HPCAL1: variants seen among roughly 807,000 people sequenced by gnomAD.
HPCAL1 encodes the protein hippocalcin-like protein 1.
A neutral mutation model predicts 17.1 loss-of-function variants in HPCAL1; 8 were observed. The observed-to-expected ratio is 0.47, with a 90% confidence interval of 0.27 to 0.84. The LOEUF is 0.84. HPCAL1 is among the 40% of genes least tolerant of loss of function. The pLI is 0.13. For missense variants in HPCAL1, 165 were observed against 271.1 expected (o/e 0.61, Z 2.75); for synonymous variants, 112 against 111.4 (o/e 1.01, Z -0.03).
At chr2:10,426,316 G>A (rs756070863) in intron 4 of HPCAL1, 9 of 196,262 alleles carry the variant, frequency 4.6e-5, no homozygotes, top group Admixed American at 1.1e-4. Context: ...GGGAGGATCC[G>A]GACCGTGCTT....
At chr2:10,423,369 G>T in intron 4 of HPCAL1, 1 of 398,072 alleles carries the variant, frequency 2.5e-6, no homozygotes, top group Non-Finnish European at 4.7e-6. Flanking sequence ...CCATATTCCC[G>T]TGGGTACAAT....
intron 1 of HPCAL1, among the ~76,000 whole-genome samples, chr2:10,307,105 C>T (rs1179721332): frequency 6.6e-6 from 1 of 151,842 alleles, no homozygotes; most frequent in Admixed American, 6.6e-5. Flanking sequence ...GGTGTCTTAG[C>T]CCCACCTGTG....
intron 1 of HPCAL1, among the ~76,000 whole-genome samples, chr2:10,378,827 A>C (rs1200321143): frequency 6.6e-6 from 1 of 152,158 alleles, no homozygotes; most frequent in African/African-American, 2.4e-5. Context: ...CACGGTAGAA[A>C]ATGTGGAAAA....
At chr2:10,397,129 GC>G (rs1371544537) in intron 2 of HPCAL1, among the ~76,000 whole-genome samples, 2 of 152,158 alleles carry the variant, frequency 1.3e-5, no homozygotes, top group Non-Finnish European at 2.9e-5. Context: ...CAGAGAAACA[GC>G]CCCCCAGGCC....
At chr2:10,418,664 C>T (rs145795206) in intron 2 of HPCAL1, among the ~76,000 whole-genome samples, 653 of 152,182 alleles carry the variant, frequency 4.3e-3, no homozygotes, top group Non-Finnish European at 6.9e-3. Context: ...AAAATTATCA[C>T]GCCCTGTATA....
chr2:10,305,885 C>T (rs1205337875), intron 1 of HPCAL1, among the ~76,000 whole-genome samples: 1 of 152,220 alleles, frequency 6.6e-6, no homozygotes, highest in African/African-American at 2.4e-5. Flanking sequence ...CACCATTTCA[C>T]CCTGGAGCTG....
At chr2:10,324,979 C>T (rs1232875502) in intron 1 of HPCAL1, among the ~76,000 whole-genome samples, 26 of 150,172 alleles carry the variant, frequency 1.7e-4, no homozygotes, top group African/African-American at 5.9e-4. Flanking sequence ...TGCACCACCA[C>T]GCCCAGCAAT....
intron 2 of HPCAL1, among the ~76,000 whole-genome samples, chr2:10,414,625 G>C (rs1048909788): frequency 6.6e-6 from 1 of 152,146 alleles, no homozygotes; most frequent in African/African-American, 2.4e-5. Context: ...GAGGGACCTG[G>C]GGTTAGGACT....
chr2:10,382,137 A>T (rs1487092703), intron 1 of HPCAL1, among the ~76,000 whole-genome samples: 1 of 152,194 alleles, frequency 6.6e-6, no homozygotes, highest in African/African-American at 2.4e-5. Flanking sequence ...ATGAAAAGAC[A>T]TGGGGGAACT....
At chr2:10,406,031 G>A (rs1669950339) in intron 2 of HPCAL1, among the ~76,000 whole-genome samples, 1 of 152,140 alleles carries the variant, frequency 6.6e-6, no homozygotes, top group African/African-American at 2.4e-5. Flanking sequence ...GTGGGGAGGT[G>A]GGCACACTGA....
intron 1 of HPCAL1, among the ~76,000 whole-genome samples, chr2:10,325,337 A>G (rs1235458757): frequency 1.3e-5 from 2 of 152,134 alleles, no homozygotes; most frequent in Non-Finnish European, 2.9e-5. Context: ...CCACATCCCC[A>G]TTTAAGTTTA....
At chr2:10,340,140 G>A (rs542462109) in intron 1 of HPCAL1, among the ~76,000 whole-genome samples, 11 of 152,250 alleles carry the variant, frequency 7.2e-5, no homozygotes, top group South Asian at 4.1e-4. Flanking sequence ...TCCCTGCCTC[G>A]GCTCCTCCCC....
chr2:10,383,811 G>C (rs112678802), intron 1 of HPCAL1, among the ~76,000 whole-genome samples: 4,645 of 152,252 alleles, frequency 0.031, 232 homozygotes, highest in African/African-American at 0.1. Context: ...TGCGGGGAAG[G>C]GGGGGCTGTC....
At chr2:10,327,387 G>T (rs1022712168) in intron 1 of HPCAL1, among the ~76,000 whole-genome samples, 1 of 152,296 alleles carries the variant, frequency 6.6e-6, no homozygotes, top group Admixed American at 6.5e-5. Context: ...GCCCCCTGCC[G>T]AGTGGCTAGC....
intron 1 of HPCAL1, among the ~76,000 whole-genome samples, chr2:10,332,860 C>A (rs1664472864): frequency 6.6e-6 from 1 of 151,816 alleles, no homozygotes; most frequent in African/African-American, 2.4e-5. Flanking sequence ...GTGAGAGGCT[C>A]ACTAAACTGA....
At chr2:10,315,455 T>C (rs955552747) in intron 1 of HPCAL1, among the ~76,000 whole-genome samples, 4 of 152,228 alleles carry the variant, frequency 2.6e-5, no homozygotes, top group African/African-American at 9.6e-5. Flanking sequence ...TGCCACATTC[T>C]AAATTTTCAC....
chr2:10,306,568 A>G (rs1166142981), intron 1 of HPCAL1, among the ~76,000 whole-genome samples: 2 of 152,228 alleles, frequency 1.3e-5, no homozygotes, highest in Non-Finnish European at 1.5e-5. Context: ...AGACAGCAGC[A>G]TGGGCTTAGG....
At chr2:10,391,938 C>T (rs113966530) in intron 1 of HPCAL1, among the ~76,000 whole-genome samples, 3,341 of 152,012 alleles carry the variant, frequency 0.022, 107 homozygotes, top group African/African-American at 0.073. Flanking sequence ...TTAGTAGAGA[C>T]GGGATTTCAC....
intron 1 of HPCAL1, among the ~76,000 whole-genome samples, chr2:10,348,540 G>C (rs1430041569): frequency 1.3e-5 from 2 of 151,940 alleles, no homozygotes; most frequent in Admixed American, 1.3e-4. Context: ...AAGGTGGGGG[G>C]ATCGCTTGAG....
Sources: allele counts gnomAD v4.1 joint callset (sites outside exome capture counted in the v4.1 genomes callset), GRCh38; gene constraint gnomAD v4.1.1; transcripts MANE v1.5; gene names NCBI Gene and HGNC (gene_info 2026-07-23, HGNC 2026-07-21).